RAD51B: variants seen among roughly 807,000 people sequenced by gnomAD.
RAD51B encodes DNA repair protein RAD51 homolog 2.
In RAD51B, 38 loss-of-function variants were observed where a neutral mutation model predicts 42.2. The observed-to-expected ratio is 0.90, with a 90% CI of 0.70 to 1.18. The LOEUF is 1.18. RAD51B is among the 50% of genes most tolerant of loss of function. The pLI, the probability that RAD51B is intolerant of heterozygous loss-of-function variation, is 0.00. For synonymous variants in RAD51B, 154 were observed against 145.2 expected (o/e 1.06, Z -0.43); for missense variants, 373 against 400.7 (o/e 0.93, Z 0.59).
intron 10 of RAD51B, among the ~76,000 whole-genome samples, chr14:68,483,631 A>G (rs1156879670): frequency 6.6e-6 from 1 of 152,190 alleles, no homozygotes; most frequent in East Asian, 1.9e-4. Flanking sequence ...GCTTGTTACC[A>G]GACATGATGC....
intron 8 of RAD51B, among the ~76,000 whole-genome samples, chr14:68,330,232 A>G (rs1208785187): frequency 3.3e-5 from 5 of 152,216 alleles, no homozygotes; most frequent in Non-Finnish European, 5.9e-5. Context: ...AAGCATGGAA[A>G]ATCACATCTC....
At chr14:68,174,379 C>CG (rs1555368411) in intron 7 of RAD51B, among the ~76,000 whole-genome samples, 3 of 144,640 alleles carry the variant, frequency 2.1e-5, no homozygotes, top group Non-Finnish European at 3.0e-5. Context: ...ACCCTGTCTC[C>CG]AAAAAAAAAA....
At chr14:68,465,028 T>C (rs2085938690) in intron 9 of RAD51B, among the ~76,000 whole-genome samples, 1 of 152,208 alleles carries the variant, frequency 6.6e-6, no homozygotes, top group African/African-American at 2.4e-5. Flanking sequence ...TTGGAAGGCT[T>C]AGGCTCAGAT....
chr14:68,642,237 GCTTT>G, intron 10 of RAD51B, among the ~76,000 whole-genome samples: 1 of 152,242 alleles, frequency 6.6e-6, no homozygotes, highest in Non-Finnish European at 1.5e-5. Flanking sequence ...TGGGCCTGGT[GCTTT>G]CTATTTTGGG....
chr14:68,468,569 A>C, intron 10 of RAD51B: 1 of 382,554 alleles, frequency 2.6e-6, no homozygotes, highest in Non-Finnish European at 5.1e-6. Flanking sequence ...TATGGCATGA[A>C]GTGGGCAATG....
At chr14:68,427,033 G>C (rs897315362) in intron 9 of RAD51B, among the ~76,000 whole-genome samples, 1 of 152,220 alleles carries the variant, frequency 6.6e-6, no homozygotes, top group Non-Finnish European at 1.5e-5. Context: ...CTAGAGGCAC[G>C]AGTAGTAAGC....
Position 67,844,129 on chromosome 14 carries a change from G to A in RAD51B, c.315+8933G>A, listed in dbSNP as rs904325088. Among the ~76,000 whole-genome samples, 3 of 151,854 alleles carry A rather than the reference G, an allele frequency of 2.0e-5. No homozygotes were observed. The East Asian group carries it at 5.8e-4, about 29-fold the overall frequency. Reference sequence around the variant, plus strand: ...TTACCCAAAAGTCACTCAGGAGCAGGTTGTTTATTTCCATGTAATTGTATG... The same window carrying A: ...TTACCCAAAAGTCACTCAGGAGCAGATTGTTTATTTCCATGTAATTGTATG... On this transcript the variant is annotated intron_variant, in intron 4 of 10. Coordinates refer to ENST00000471583, the MANE Select transcript of RAD51B (RefSeq NM_133510.4).
chr14:68,304,645 A>C (rs2081822157), intron 8 of RAD51B, among the ~76,000 whole-genome samples: 1 of 152,254 alleles, frequency 6.6e-6, no homozygotes. Context: ...CACTGCATTT[A>C]GAATTGGGAG....
At chr14:68,119,643 C>T (rs1190553200) in intron 7 of RAD51B, among the ~76,000 whole-genome samples, 5 of 149,226 alleles carry the variant, frequency 3.4e-5, no homozygotes, top group Non-Finnish European at 6.0e-5. Context: ...ACAAAGGACA[C>T]GAACTCATCA....
At chr14:68,375,344 T>C (rs188512072) in intron 8 of RAD51B, among the ~76,000 whole-genome samples, 27 of 152,278 alleles carry the variant, frequency 1.8e-4, no homozygotes, top group African/African-American at 6.5e-4. Flanking sequence ...TATTTTTCTT[T>C]AGAGATCCCA....
At chr14:67,975,653 A>G (rs1390547528) in intron 7 of RAD51B, among the ~76,000 whole-genome samples, 1 of 152,250 alleles carries the variant, frequency 6.6e-6, no homozygotes, top group Non-Finnish European at 1.5e-5. Context: ...GACGTACAGA[A>G]AACAAAATAG....
chr14:68,537,111 G>A lies in RAD51B; in HGVS notation c.1037-57374G>A, dbSNP rs866170554. Among the ~76,000 whole-genome samples, 86 of 96,158 alleles carry A rather than the reference G, an allele frequency of 8.9e-4. 1 individual carries two copies. Among genetic ancestry groups the A allele is most frequent in the Non-Finnish European group, 1.7e-3 (75 of 43,262 alleles). The allele number at this position is 96,158 out of a possible 152,430, so 63.1% of individuals were successfully genotyped here. ...CTGTCTCAAAAAAAAAAAAAAAAAA[G>A]GCACCCAAAATTTTTAGAATGACTG... On this transcript the variant is annotated intron_variant, in intron 10 of 10. Transcript: ENST00000487270.
At chr14:68,039,359 C>T (rs748215563) in intron 7 of RAD51B, among the ~76,000 whole-genome samples, 3 of 143,164 alleles carry the variant, frequency 2.1e-5, no homozygotes, top group Non-Finnish European at 3.0e-5. Context: ...ACCTGAGAGG[C>T]GAAGGTTGCT....
chr14:68,133,327 G>A (rs2077938055), intron 7 of RAD51B, among the ~76,000 whole-genome samples: 1 of 152,186 alleles, frequency 6.6e-6, no homozygotes, highest in Admixed American at 6.5e-5. Flanking sequence ...TTATTCAGCT[G>A]TTTTTGAATT....
chr14:68,093,991 T>A (rs1168283095), intron 7 of RAD51B, among the ~76,000 whole-genome samples: 1 of 152,244 alleles, frequency 6.6e-6, no homozygotes, highest in Non-Finnish European at 1.5e-5. Context: ...CCTGCTGCCC[T>A]ACTTCTTTGC....
chr14:68,354,340 C>T (rs942504432), intron 8 of RAD51B, among the ~76,000 whole-genome samples: 3 of 151,658 alleles, frequency 2.0e-5, no homozygotes, highest in Admixed American at 2.0e-4. Context: ...CCTCAGCCTC[C>T]AGAGTAGCTG....
At chr14:68,463,792 T>C (rs536345026) in intron 9 of RAD51B, among the ~76,000 whole-genome samples, 12 of 152,222 alleles carry the variant, frequency 7.9e-5, no homozygotes, top group Non-Finnish European at 1.6e-4. Context: ...AACCACCTTC[T>C]TGTTTGTCAT....
At chr14:68,355,104 C>T (rs1020000457) in intron 8 of RAD51B, among the ~76,000 whole-genome samples, 3 of 152,146 alleles carry the variant, frequency 2.0e-5, no homozygotes, top group African/African-American at 4.8e-5. Context: ...TATAGGCAGC[C>T]GCCCAATGGG....
At chr14:67,988,591 G>T (rs984619971) in intron 7 of RAD51B, among the ~76,000 whole-genome samples, 1 of 152,168 alleles carries the variant, frequency 6.6e-6, no homozygotes, top group Non-Finnish European at 1.5e-5. Context: ...GACATGGCTT[G>T]AGAATATTTT....
Sources: gnomAD v4.1 joint callset for allele counts (sites outside exome capture counted in the v4.1 genomes callset) on GRCh38, gnomAD v4.1.1 for gene constraint, MANE v1.5 for transcripts, NCBI Gene and HGNC (gene_info 2026-07-23, HGNC 2026-07-21) for gene names.